DUSP13B: variants seen among roughly 807,000 people sequenced by gnomAD.
DUSP13B encodes dual specificity protein phosphatase 13B.
At chr10:75,101,993 A>T in the DUSP13B span, 1 of 1,356,620 alleles carries the variant, frequency 7.4e-7, no homozygotes, top group Non-Finnish European at 9.8e-7. Context: ...ATTATAAAGC[A>T]TGCTGTCTAC....
the DUSP13B span, among the ~76,000 whole-genome samples, chr10:75,108,748 A>G: frequency 6.6e-6 from 1 of 151,972 alleles, no homozygotes; most frequent in Non-Finnish European, 1.5e-5. Context: ...TCTACACTTG[A>G]CAGTTGTCCT....
At chr10:75,108,184 G>C in the DUSP13B span, 2 of 1,608,692 alleles carry the variant, frequency 1.2e-6, no homozygotes, top group Non-Finnish European at 1.7e-6. Context: ...AGCTTCCACA[G>C]CTCAAAGCGG....
the DUSP13B span, chr10:75,108,869 G>T: frequency 1.7e-6 from 2 of 1,143,812 alleles, no homozygotes; most frequent in African/African-American, 1.6e-5. Context: ...ACCCCCGGGG[G>T]TCCTGGAGAA....
the DUSP13B span, chr10:75,102,035 A>G: frequency 8.7e-7 from 1 of 1,148,574 alleles, no homozygotes; most frequent in South Asian, 1.2e-5. Flanking sequence ...GCCACTCCCA[A>G]CTTGTCCACT....
the DUSP13B span, among the ~76,000 whole-genome samples, chr10:75,096,459 C>T: frequency 2.6e-5 from 4 of 151,920 alleles, no homozygotes; most frequent in Admixed American, 6.6e-5. Context: ...TGCCAGTAGT[C>T]CCAGCTACTT....
chr10:75,102,409 C>T, the DUSP13B span, among the ~76,000 whole-genome samples: 2 of 152,054 alleles, frequency 1.3e-5, no homozygotes, highest in Non-Finnish European at 2.9e-5. Flanking sequence ...CGCCACTGCA[C>T]TCCAGCCTGG....
At chr10:75,095,993 G>A in the DUSP13B span, among the ~76,000 whole-genome samples, 3 of 152,204 alleles carry the variant, frequency 2.0e-5, no homozygotes, top group African/African-American at 7.2e-5. Flanking sequence ...GGTGGCTCAC[G>A]CCTATAATCC....
chr10:75,095,262 AG>A, the DUSP13B span, among the ~76,000 whole-genome samples: 1 of 152,140 alleles, frequency 6.6e-6, no homozygotes, highest in Non-Finnish European at 1.5e-5. Flanking sequence ...CTCTATGCCA[AG>A]GCCTCATCTT....
the DUSP13B span, among the ~76,000 whole-genome samples, chr10:75,096,257 A>G: frequency 6.6e-6 from 1 of 151,836 alleles, no homozygotes; most frequent in African/African-American, 2.4e-5. Flanking sequence ...TCCATCTCAA[A>G]AAAACAACAA....
chr10:75,108,863 C>G, the DUSP13B span: 2 of 1,097,166 alleles, frequency 1.8e-6, no homozygotes, highest in Non-Finnish European at 2.5e-6. Context: ...CTCAGCACCC[C>G]CGGGGGTCCT....
the DUSP13B span, chr10:75,103,944 G>A: frequency 7.6e-7 from 1 of 1,322,398 alleles, no homozygotes; most frequent in Non-Finnish European, 1.0e-6. Flanking sequence ...GCCAGGAGGA[G>A]CCAGATGGAG....
At chr10:75,099,206 A>G in the DUSP13B span, 1 of 1,232,124 alleles carries the variant, frequency 8.1e-7, no homozygotes, top group Non-Finnish European at 1.0e-6. Context: ...ACTGCCCCTG[A>G]TCCCCTGGAC....
chr10:75,108,129 C>T, the DUSP13B span: 4 of 1,613,542 alleles, frequency 2.5e-6, no homozygotes, highest in Admixed American at 6.7e-5. Flanking sequence ...GCCGCCCTGA[C>T]AGTAGAGGCC....
At chr10:75,105,994 C>A in the DUSP13B span, 1 of 849,896 alleles carries the variant, frequency 1.2e-6, no homozygotes, top group Admixed American at 2.3e-5. Flanking sequence ...GCAAGTCACT[C>A]AGCCTTTATG....
At chr10:75,103,955 T>TA in the DUSP13B span, 1 of 1,325,644 alleles carries the variant, frequency 7.5e-7, no homozygotes, top group South Asian at 1.2e-5. Context: ...CCAGATGGAG[T>TA]AGCAGGCTCT....
the DUSP13B span, chr10:75,099,125 G>A: frequency 4.0e-5 from 49 of 1,232,184 alleles, no homozygotes; most frequent in East Asian, 1.6e-4. Flanking sequence ...GGGACCCTGC[G>A]GAGCTGGATT....
chr10:75,101,889 C>A, the DUSP13B span: 2 of 1,367,116 alleles, frequency 1.5e-6, no homozygotes, highest in African/African-American at 1.5e-5. Context: ...CTGGCCCAGG[C>A]TGTGCACTTC....
chr10:75,095,217 T>TC, the DUSP13B span, among the ~76,000 whole-genome samples: 1 of 152,116 alleles, frequency 6.6e-6, no homozygotes, highest in African/African-American at 2.4e-5. Flanking sequence ...TACCTCCCTT[T>TC]CCCCCGAGTT....
the DUSP13B span, among the ~76,000 whole-genome samples, chr10:75,102,845 G>C: frequency 1.3e-4 from 19 of 151,880 alleles, no homozygotes; most frequent in Non-Finnish European, 5.9e-5. Flanking sequence ...CCAGCTACTC[G>C]GGAGCCTGAG....
Sources: gnomAD v4.1 joint callset for allele counts (sites outside exome capture counted in the v4.1 genomes callset) on GRCh38, gnomAD v4.1.1 for gene constraint, MANE v1.5 for transcripts, NCBI Gene and HGNC (gene_info 2026-07-23, HGNC 2026-07-21) for gene names.